The following DPYD variants were observed in gnomAD, a reference collection of about 807,000 sequenced individuals.
DPYD encodes dihydropyrimidine dehydrogenase [NADP(+)].
Under a neutral mutation model 116.2 loss-of-function variants are expected in DPYD, and 109 were observed. The observed-to-expected ratio is 0.94, with a 90% CI of 0.80 to 1.10. The LOEUF (loss-of-function observed/expected upper bound fraction) is 1.10, where lower values mean the gene tolerates loss of function less well. Ranked by LOEUF, DPYD falls within the 50% of genes least tolerant of loss-of-function variation. DPYD has a pLI of 0.00. For synonymous variants in DPYD, 440 were observed against 432.0 expected (o/e 1.02, Z -0.23); for missense variants, 1,302 against 1,254.5 (o/e 1.04, Z -0.57).
chr1:97,299,763 C>A (rs943941829), intron 18 of DPYD, among the ~76,000 whole-genome samples: 2 of 152,074 alleles, frequency 1.3e-5, no homozygotes, highest in Non-Finnish European at 2.9e-5. Flanking sequence ...TGCCATGAAG[C>A]AAACATGAAC....
chr1:97,308,698 T>C (rs780058424), intron 16 of DPYD, among the ~76,000 whole-genome samples: 2 of 151,854 alleles, frequency 1.3e-5, no homozygotes, highest in African/African-American at 4.8e-5. Flanking sequence ...ATTAGTAGTG[T>C]TTCTACATCT....
At chr1:97,238,594 A>G (rs1407434066) in intron 18 of DPYD, among the ~76,000 whole-genome samples, 4 of 152,214 alleles carry the variant, frequency 2.6e-5, no homozygotes, top group Admixed American at 2.0e-4. Context: ...GCCATACAAA[A>G]TTGTACATAT....
chr1:97,876,911 T>G (rs1416627534), intron 2 of DPYD, among the ~76,000 whole-genome samples: 1 of 151,986 alleles, frequency 6.6e-6, no homozygotes, highest in Admixed American at 6.6e-5. Flanking sequence ...CCAGTCTATA[T>G]AAATATTTAA....
chr1:97,534,756 T>C (rs1649871787), intron 12 of DPYD, among the ~76,000 whole-genome samples: 1 of 152,120 alleles, frequency 6.6e-6, no homozygotes. Flanking sequence ...AAATCCAGTA[T>C]AGTTCTCCAT....
intron 13 of DPYD, among the ~76,000 whole-genome samples, chr1:97,502,015 C>T (rs575150949): frequency 2.0e-5 from 3 of 152,004 alleles, no homozygotes; most frequent in African/African-American, 2.4e-5. Flanking sequence ...TCCATTATCT[C>T]GAGATTTCAT....
chr1:97,583,838 A>T (rs1219933755), intron 10 of DPYD, among the ~76,000 whole-genome samples: 1 of 152,062 alleles, frequency 6.6e-6, no homozygotes, highest in Non-Finnish European at 1.5e-5. Flanking sequence ...GTTGGTTCCA[A>T]GTCTTTGCTA....
chr1:97,736,845 T>C (rs1207706315), intron 4 of DPYD, among the ~76,000 whole-genome samples: 1 of 134,026 alleles, frequency 7.5e-6, no homozygotes, highest in African/African-American at 3.0e-5. Context: ...TGTGTGTGTG[T>C]GCATTTGTGT....
chr1:97,500,650 G>A (rs1679527129), intron 13 of DPYD, among the ~76,000 whole-genome samples: 1 of 152,006 alleles, frequency 6.6e-6, no homozygotes. Flanking sequence ...TACATGCCAC[G>A]CAAGCAGCAT....
At chr1:97,875,130 TAC>T (rs1381148010) in intron 2 of DPYD, among the ~76,000 whole-genome samples, 10 of 151,956 alleles carry the variant, frequency 6.6e-5, no homozygotes, top group African/African-American at 2.4e-4. Flanking sequence ...TTAGTTACAA[TAC>T]AGTGTTGTTG....
At chr1:97,621,110 T>G (rs1171542723) in intron 8 of DPYD, among the ~76,000 whole-genome samples, 1 of 152,150 alleles carries the variant, frequency 6.6e-6, no homozygotes, top group Admixed American at 6.6e-5. Flanking sequence ...TTAACTATTT[T>G]GGAGACTCAT....
intron 3 of DPYD, among the ~76,000 whole-genome samples, chr1:97,779,982 A>G (rs1239951329): frequency 6.6e-6 from 1 of 152,200 alleles, no homozygotes; most frequent in African/African-American, 2.4e-5. Context: ...GGTGCCTAAT[A>G]TATAATGGCT....
chr1:97,284,936 T>G (rs992009331), intron 18 of DPYD, among the ~76,000 whole-genome samples: 1 of 152,210 alleles, frequency 6.6e-6, no homozygotes, highest in Non-Finnish European at 1.5e-5. Flanking sequence ...TATCTTCTTG[T>G]TTCAACCCAG....
intron 5 of DPYD, among the ~76,000 whole-genome samples, chr1:97,719,597 A>G (rs939403730): frequency 2.0e-5 from 3 of 151,840 alleles, no homozygotes; most frequent in African/African-American, 7.2e-5. Flanking sequence ...CGTGAATATC[A>G]GTGAAAACGG....
At chr1:97,781,040 G>C (rs763971943) in intron 3 of DPYD, among the ~76,000 whole-genome samples, 2 of 152,114 alleles carry the variant, frequency 1.3e-5, no homozygotes, top group African/African-American at 4.8e-5. Context: ...GACAGTTAAT[G>C]GGGCAATCTG....
At chr1:97,140,769 C>G (rs992725369) in intron 20 of DPYD, among the ~76,000 whole-genome samples, 1 of 152,112 alleles carries the variant, frequency 6.6e-6, no homozygotes, top group Non-Finnish European at 1.5e-5. Flanking sequence ...CCTGGCTGGA[C>G]TCTTTATTAT....
At chr1:97,401,232 T>C (rs114172748) in intron 14 of DPYD, among the ~76,000 whole-genome samples, 2,062 of 152,268 alleles carry the variant, frequency 0.014, 49 homozygotes, top group African/African-American at 0.048. Context: ...CTCCAATGCA[T>C]CTTTTACAAA....
At chr1:97,435,942 T>C (rs1570730584) in intron 14 of DPYD, among the ~76,000 whole-genome samples, 1 of 152,110 alleles carries the variant, frequency 6.6e-6, no homozygotes, top group South Asian at 2.1e-4. Flanking sequence ...GAAACACATA[T>C]ACTTGTAGCA....
intron 14 of DPYD, among the ~76,000 whole-genome samples, chr1:97,383,914 C>G (rs1029925304): frequency 6.6e-6 from 1 of 152,188 alleles, no homozygotes; most frequent in East Asian, 1.9e-4. Context: ...TCATGACCAA[C>G]CTGGGAAACA....
chr1:97,236,375 G>A lies in DPYD; in HGVS notation c.2300-1381C>T, dbSNP rs566581809. 1.7e-4 allele frequency among the ~76,000 whole-genome samples: 25 copies of A among 150,198 alleles called. No individual in the cohort carries two copies. The South Asian group carries it at 3.4e-3, about 21-fold the overall frequency. ...CACACACAGCCTTCCTTTAAAAAATGGCCAGAACTTAAAATTAAATTAAAT... is the reference window on the plus strand; with the variant it reads ...CACACACAGCCTTCCTTTAAAAAATAGCCAGAACTTAAAATTAAATTAAAT... On this transcript the variant is annotated intron_variant, in intron 18 of 22. Transcript: ENST00000370192.
Sources: allele counts gnomAD v4.1 joint callset (sites outside exome capture counted in the v4.1 genomes callset), GRCh38; gene constraint gnomAD v4.1.1; transcripts MANE v1.5; gene names NCBI Gene and HGNC (gene_info 2026-07-23, HGNC 2026-07-21).